FSTL4: variants seen among roughly 807,000 people sequenced by gnomAD.
FSTL4 encodes the protein follistatin like 4, also known as follistatin-related protein 4.
A neutral mutation model predicts 78.2 loss-of-function variants in FSTL4; 28 were observed. The ratio of observed to expected loss-of-function variants is 0.36; its 90% CI spans 0.27 to 0.49. The LOEUF (loss-of-function observed/expected upper bound fraction) is 0.49. Among genes scored for constraint, FSTL4 ranks in the 20% least tolerant of loss-of-function variants. The probability of loss-of-function intolerance (pLI) is 0.98; values close to 1 mark genes in which losing one functional copy is unlikely to be tolerated. For synonymous variants in FSTL4, 422 were observed against 440.5 expected (o/e 0.96, Z 0.53); for missense variants, 922 against 1,084.9 (o/e 0.85, Z 2.11).
At chr5:133,840,319 C>G in the FSTL4 span, among the ~76,000 whole-genome samples, 1 of 152,196 alleles carries the variant, frequency 6.6e-6, no homozygotes, top group African/African-American at 2.4e-5. Flanking sequence ...ATGCACAGCC[C>G]TATTGGAGGT....
chr5:133,664,619 T>C, the FSTL4 span, among the ~76,000 whole-genome samples: 1 of 152,206 alleles, frequency 6.6e-6, no homozygotes, highest in Non-Finnish European at 1.5e-5. Context: ...CCCACTGTGC[T>C]TCCTGGCCCA....
chr5:133,597,421 T>C (rs1018130047), intron 2 of FSTL4, among the ~76,000 whole-genome samples: 5 of 152,186 alleles, frequency 3.3e-5, no homozygotes, highest in African/African-American at 1.2e-4. Flanking sequence ...CCATTTACAA[T>C]GCACAGCCTG....
chr5:133,620,636 A>G, the FSTL4 span, among the ~76,000 whole-genome samples: 1 of 152,358 alleles, frequency 6.6e-6, no homozygotes, highest in South Asian at 2.1e-4. Context: ...TAAAATTATA[A>G]CAGTCTCAAG....
At chr5:133,640,530 TA>T in the FSTL4 span, among the ~76,000 whole-genome samples, 2 of 152,186 alleles carry the variant, frequency 1.3e-5, no homozygotes, top group African/African-American at 4.8e-5. Context: ...TGAGACCTGC[TA>T]ACAGGGTGAA....
upstream of FSTL4, among the ~76,000 whole-genome samples, chr5:133,615,493 A>G (rs1761184185): frequency 1.3e-5 from 2 of 152,144 alleles, no homozygotes; most frequent in Admixed American, 1.3e-4. Flanking sequence ...CTTAAGTGGG[A>G]ATTGGGAATG....
At chr5:133,268,319 C>T (rs1294679074) in intron 6 of FSTL4, among the ~76,000 whole-genome samples, 1 of 152,204 alleles carries the variant, frequency 6.6e-6, no homozygotes, top group African/African-American at 2.4e-5. Context: ...CAACTTTGGT[C>T]TGTGCCTTCC....
At chr5:133,224,911 C>G (rs1751276558) in intron 10 of FSTL4, among the ~76,000 whole-genome samples, 1 of 152,214 alleles carries the variant, frequency 6.6e-6, no homozygotes, top group East Asian at 1.9e-4. Flanking sequence ...TTCCTGGGCT[C>G]TGTCTGCTGT....
At chr5:133,652,819 G>A in the FSTL4 span, among the ~76,000 whole-genome samples, 1 of 152,136 alleles carries the variant, frequency 6.6e-6, no homozygotes, top group Non-Finnish European at 1.5e-5. Context: ...TCAAGCTATA[G>A]ATGTATTAAA....
intron 3 of FSTL4, among the ~76,000 whole-genome samples, chr5:133,408,930 T>C (rs1756426240): frequency 6.6e-6 from 1 of 152,228 alleles, no homozygotes; most frequent in Non-Finnish European, 1.5e-5. Context: ...CATTTGGTTT[T>C]ACTGATTCAA....
the FSTL4 span, among the ~76,000 whole-genome samples, chr5:133,648,874 A>G: frequency 6.6e-6 from 1 of 151,994 alleles, no homozygotes; most frequent in African/African-American, 2.4e-5. Flanking sequence ...ACTCATCCTC[A>G]TGTATGTGTG....
chr5:133,778,834 C>A, the FSTL4 span, among the ~76,000 whole-genome samples: 1 of 152,224 alleles, frequency 6.6e-6, no homozygotes, highest in Non-Finnish European at 1.5e-5. Context: ...CACCGTCCTG[C>A]CCAGGGCTCT....
chr5:133,555,265 AC>A (rs1759764569), intron 3 of FSTL4, among the ~76,000 whole-genome samples: 1 of 152,254 alleles, frequency 6.6e-6, no homozygotes, highest in Admixed American at 6.5e-5. Context: ...TTTTAAAAGA[AC>A]CAAAACAGGA....
At chr5:133,507,481 G>A (rs1026622014) in intron 3 of FSTL4, among the ~76,000 whole-genome samples, 5 of 151,766 alleles carry the variant, frequency 3.3e-5, no homozygotes, top group South Asian at 2.1e-4. Context: ...CTGGATCTGC[G>A]GGTTCCACAT....
the FSTL4 span, among the ~76,000 whole-genome samples, chr5:133,641,576 G>C: frequency 1.3e-5 from 2 of 152,096 alleles, no homozygotes; most frequent in Admixed American, 6.6e-5. Flanking sequence ...AAAAGTGTAT[G>C]AATATATTTG....
At chr5:133,781,021 G>T in the FSTL4 span, among the ~76,000 whole-genome samples, 1 of 152,184 alleles carries the variant, frequency 6.6e-6, no homozygotes, top group African/African-American at 2.4e-5. Flanking sequence ...CCCAACCCAG[G>T]TGCCGCCATG....
the FSTL4 span, among the ~76,000 whole-genome samples, chr5:133,792,481 A>G: frequency 1.3e-5 from 2 of 152,208 alleles, no homozygotes; most frequent in East Asian, 3.9e-4. Flanking sequence ...GTGACACACC[A>G]CCCATGACAT....
chr5:133,503,817 C>T (rs1758555822), intron 3 of FSTL4, among the ~76,000 whole-genome samples: 1 of 152,162 alleles, frequency 6.6e-6, no homozygotes. Flanking sequence ...TTGTATTAGT[C>T]CATTCTCACA....
At chr5:133,600,277 A>G (rs1004338870) in intron 2 of FSTL4, among the ~76,000 whole-genome samples, 4 of 152,214 alleles carry the variant, frequency 2.6e-5, no homozygotes, top group Non-Finnish European at 4.4e-5. Context: ...TGTTCTGAGC[A>G]TGCTGAAGGC....
chr5:133,362,937 T>C (rs1277020406), intron 4 of FSTL4, among the ~76,000 whole-genome samples: 1 of 152,216 alleles, frequency 6.6e-6, no homozygotes, highest in Non-Finnish European at 1.5e-5. Context: ...TTCTATTTCA[T>C]CTTAAGTTTA....
Sources: allele counts gnomAD v4.1 joint callset (sites outside exome capture counted in the v4.1 genomes callset), GRCh38; gene constraint gnomAD v4.1.1; transcripts MANE v1.5; gene names NCBI Gene and HGNC (gene_info 2026-07-23, HGNC 2026-07-21).